The following CERS3 variants were observed in gnomAD, a reference collection of about 807,000 sequenced individuals.
The protein encoded by CERS3 is ceramide synthase 3.
In CERS3, 33 loss-of-function variants were observed where a neutral mutation model predicts 50.3. The ratio of observed to expected loss-of-function variants is 0.66; its 90% confidence interval spans 0.50 to 0.88. The LOEUF is 0.88. Among genes scored for constraint, CERS3 ranks in the 40% least tolerant of loss-of-function variants. The pLI, the probability that CERS3 is intolerant of heterozygous loss-of-function variation, is 0.00. For missense variants in CERS3, 470 were observed against 460.3 expected (o/e 1.02, Z -0.19); for synonymous variants, 176 against 155.2 (o/e 1.13, Z -0.99).
intron 11 of CERS3, among the ~76,000 whole-genome samples, chr15:100,441,855 C>G (rs1260866900): frequency 6.6e-6 from 1 of 152,024 alleles, no homozygotes; most frequent in Non-Finnish European, 1.5e-5. Flanking sequence ...TTCTTTCCCT[C>G]CCGCCTGTCC....
intron 10 of CERS3, among the ~76,000 whole-genome samples, chr15:100,460,754 T>TGG (rs958113684): frequency 6.6e-6 from 1 of 152,220 alleles, no homozygotes. Flanking sequence ...CTAGGTCCCC[T>TGG]ATTGGGAATT....
intron 11 of CERS3, among the ~76,000 whole-genome samples, chr15:100,453,748 C>A (rs367559286): frequency 6.6e-6 from 1 of 152,090 alleles, no homozygotes; most frequent in African/African-American, 2.4e-5. Context: ...CCCAGAAAAA[C>A]CTAAAGACTT....
chr15:100,484,975 A>G (rs1432851900), intron 4 of CERS3, among the ~76,000 whole-genome samples: 1 of 152,214 alleles, frequency 6.6e-6, no homozygotes, highest in Admixed American at 6.5e-5. Context: ...AAATGTGCTT[A>G]GGACTTCCCA....
At chr15:100,526,894 A>G (rs1446332110) in intron 1 of CERS3, among the ~76,000 whole-genome samples, 1 of 152,180 alleles carries the variant, frequency 6.6e-6, no homozygotes, top group African/African-American at 2.4e-5. Flanking sequence ...GTCAGGTCCT[A>G]TGGAAGGCAT....
intron 11 of CERS3, among the ~76,000 whole-genome samples, chr15:100,411,653 A>C (rs951110236): frequency 6.6e-6 from 1 of 152,148 alleles, no homozygotes; most frequent in East Asian, 1.9e-4. Context: ...ATTCTTTTAG[A>C]TATATATCCA....
intron 1 of CERS3, among the ~76,000 whole-genome samples, chr15:100,536,650 C>T (rs186164582): frequency 4.6e-5 from 7 of 152,260 alleles, no homozygotes; most frequent in African/African-American, 7.2e-5. Flanking sequence ...GGACAGAAGT[C>T]GGCAGATAAA....
rs73472023 is a variant in CERS3 at position 100,454,954 on chromosome 15, A to G, written c.999+939T>C. 6.0e-3 allele frequency among the ~76,000 whole-genome samples: 907 copies of G among 152,322 alleles called. 14 individuals carry two copies. Among genetic ancestry groups the G allele is most frequent in the African/African-American group, 0.021 (872 of 41,572 alleles). ...GAATAAATATTTCTGAAGAAAAAAC[A>G]TACAGTGGCCAACAGACATGTGAAA... On this transcript the variant is annotated intron_variant, in intron 11 of 11. Transcript: ENST00000679737.
At chr15:100,450,577 C>T (rs1412166436) in intron 11 of CERS3, among the ~76,000 whole-genome samples, 4 of 151,872 alleles carry the variant, frequency 2.6e-5, no homozygotes, top group Non-Finnish European at 5.9e-5. Flanking sequence ...GTAAGGGAAA[C>T]AACTTATTGA....
At chr15:100,514,277 A>C (rs1483982645) in intron 2 of CERS3, among the ~76,000 whole-genome samples, 1 of 152,210 alleles carries the variant, frequency 6.6e-6, no homozygotes, top group African/African-American at 2.4e-5. Flanking sequence ...CTTCTAAGGA[A>C]GGGAACTAAA....
chr15:100,509,848 T>TTTTTTTTTTTTTTTTTTTGAGACGGA (rs2036289331), intron 2 of CERS3, among the ~76,000 whole-genome samples: 1 of 152,206 alleles, frequency 6.6e-6, no homozygotes, highest in African/African-American at 2.4e-5. Flanking sequence ...AATGCATTTT[T>TTTTTTTTTTTTTTTTTTTGAGACGGA]GAACACTCAA....
intron 11 of CERS3, among the ~76,000 whole-genome samples, chr15:100,417,546 C>T (rs1266814415): frequency 6.6e-6 from 1 of 151,980 alleles, no homozygotes. Context: ...GTAAATAAAG[C>T]AGCCTGGAAG....
rs1179216158 is a variant in CERS3 at position 100,496,715 on chromosome 15, C to A, written c.173+4962G>T. 3.3e-5 allele frequency among the ~76,000 whole-genome samples: 5 copies of A among 152,222 alleles called. No individual in the cohort carries two copies. In the East Asian group the frequency reaches 9.7e-4, roughly 29 times the overall value. ...TTTAAAATAATGAGATTTCCTTATT[C>A]TTCCTTCAGTTCTGACAAAGGTACT... is the stretch of plus-strand genomic sequence containing the variant. On this transcript the variant is annotated intron_variant, in intron 3 of 11. Coordinates refer to ENST00000679737, the MANE Select transcript of CERS3 (RefSeq NM_001378789.1).
In CERS3 at chr15:100,484,940, A is replaced by T. The variant is rs144671609; in HGVS notation, c.289-272T>A. Among the ~76,000 whole-genome samples the T allele has an allele frequency of 2.1e-3, 313 of 152,326 alleles. 1 individual carries two copies. The highest frequency in any genetic ancestry group is 2.6e-3 in the Non-Finnish European group (176 of 68,036). On this transcript the variant is annotated intron_variant, in intron 4 of 11. Coordinates refer to ENST00000679737, the MANE Select transcript of CERS3 (RefSeq NM_001378789.1). Reference sequence around the variant, plus strand: ...GGCAGCAACCCGGCATTCAAGTTGCATGTGTGAGCTCACTTGTTCAGCTAA... The same window carrying T: ...GGCAGCAACCCGGCATTCAAGTTGCTTGTGTGAGCTCACTTGTTCAGCTAA...
rs775722705 is a variant in CERS3, at chr15:100,501,664, A to G, written c.173+13T>C. 5.9e-5 allele frequency: 94 copies of G among 1,601,696 alleles called. 1 individual carries two copies. In the Middle Eastern group the frequency reaches 9.9e-4, roughly 17 times the overall value. ...GAGGGGGAATGGGAAGGAAAGACAC[A>G]AGTACTACTTACTTTTCAAATACAC... is the stretch of plus-strand genomic sequence containing the variant. On this transcript the variant is annotated intron_variant, in intron 3 of 11. Coordinates refer to ENST00000679737, the MANE Select transcript of CERS3 (RefSeq NM_001378789.1).
chr15:100,455,905 A>G lies in CERS3; in HGVS notation c.987T>C (p.Cys329=), dbSNP rs780274626. 2.5e-6 allele frequency: 4 copies of G among 1,609,700 alleles called. No homozygotes were observed. The highest frequency in any genetic ancestry group is 2.7e-5 in the African/African-American group (2 of 74,794). ...GGACAGCCCTTACCTTCATGAATATACATCTGTTGAGCATCTTCAAGATGT... is the reference window on the plus strand; with the variant it reads ...GGACAGCCCTTACCTTCATGAATATGCATCTGTTGAGCATCTTCAAGATGT... ...GYYILKMLNR[C]IFMKSIQDVR... Residue 329 remains cysteine (C), a synonymous_variant, in exon 11 of 12, where the codon TGT becomes TGC. Coordinates refer to ENST00000679737, the MANE Select transcript of CERS3 (RefSeq NM_001378789.1).
chr15:100,542,637 A>C (rs1156647672), intron 1 of CERS3, among the ~76,000 whole-genome samples: 1 of 152,232 alleles, frequency 6.6e-6, no homozygotes, highest in Non-Finnish European at 1.5e-5. Context: ...GGAAATAATT[A>C]GTATGCAATA....
chr15:100,442,982 T>C (rs1022279243), intron 11 of CERS3, among the ~76,000 whole-genome samples: 5 of 151,462 alleles, frequency 3.3e-5, no homozygotes, highest in African/African-American at 1.2e-4. Context: ...CCAACTCTGG[T>C]GCCAACTTAG....
chr15:100,445,942 G>A (rs540445249), intron 11 of CERS3, among the ~76,000 whole-genome samples: 9 of 152,240 alleles, frequency 5.9e-5, no homozygotes, highest in East Asian at 1.9e-4. Context: ...TAACGATGAC[G>A]TTATCTTGTG....
chr15:100,539,723 A>C (rs114718640), intron 1 of CERS3, among the ~76,000 whole-genome samples: 2,273 of 152,318 alleles, frequency 0.015, 64 homozygotes, highest in African/African-American at 0.052. Context: ...GTGGGGACAC[A>C]AAGATTAACC....
Sources: allele counts gnomAD v4.1 joint callset (sites outside exome capture counted in the v4.1 genomes callset), GRCh38; gene constraint gnomAD v4.1.1; transcripts MANE v1.5; gene names NCBI Gene and HGNC (gene_info 2026-07-23, HGNC 2026-07-21).